Variants in SUPT3H observed in about 807,000 individuals in gnomAD.
SUPT3H encodes the protein SPT3 homolog, SAGA and STAGA complex component, also known as transcription initiation protein SPT3 homolog.
A neutral mutation model predicts 44.3 loss-of-function variants in SUPT3H; 44 were observed. The observed-to-expected ratio is 0.99, with a 90% CI of 0.78 to 1.28. The LOEUF is 1.28. SUPT3H is among the 50% of genes most tolerant of loss of function. The pLI is 0.00. For missense variants in SUPT3H, 380 were observed against 387.1 expected, an observed-to-expected ratio of 0.98 and a Z score of 0.15; for synonymous variants, 124 against 125.6, an observed-to-expected ratio of 0.99 and a Z score of 0.09.
At chr6:45,377,329 G>C (rs780733181) in intron 1 of SUPT3H, 1 of 152,100 alleles carries the variant, frequency 6.6e-6, no homozygotes, top group African/African-American at 2.4e-5. Flanking sequence ...GAACACAGCG[G>C]ATCTTTTCCT....
At chr6:45,355,271 A>G (rs1315684464) in intron 2 of SUPT3H, among the ~76,000 whole-genome samples, 1 of 151,692 alleles carries the variant, frequency 6.6e-6, no homozygotes, top group Non-Finnish European at 1.5e-5. Context: ...TCCAATAAGC[A>G]CTTTAATTTA....
intron 2 of SUPT3H, among the ~76,000 whole-genome samples, chr6:45,163,881 C>T (rs1809432281): frequency 6.6e-6 from 1 of 151,788 alleles, no homozygotes; most frequent in African/African-American, 2.4e-5. Context: ...ACATACCTAC[C>T]CCTAATTATT....
At chr6:44,903,029 C>T (rs1765361809) in intron 10 of SUPT3H, among the ~76,000 whole-genome samples, 1 of 152,020 alleles carries the variant, frequency 6.6e-6, no homozygotes, top group Non-Finnish European at 1.5e-5. Context: ...ACATTCAAAG[C>T]AGTGTGTAGA....
intron 2 of SUPT3H, among the ~76,000 whole-genome samples, chr6:45,210,043 A>G (rs1041425483): frequency 2.6e-5 from 4 of 152,214 alleles, no homozygotes; most frequent in African/African-American, 9.6e-5. Context: ...TCATATGATC[A>G]AGACAGCATT....
At chr6:45,328,284 A>G in intron 2 of SUPT3H, 1 of 1,365,174 alleles carries the variant, frequency 7.3e-7, no homozygotes, top group Non-Finnish European at 9.8e-7. Flanking sequence ...CTTGCAAAAA[A>G]AAGGAGTTTT....
intron 2 of SUPT3H, among the ~76,000 whole-genome samples, chr6:45,348,352 TCTC>T (rs1184815712): frequency 6.6e-6 from 1 of 151,684 alleles, no homozygotes; most frequent in African/African-American, 2.4e-5. Flanking sequence ...AGTTTTATCG[TCTC>T]CTCATTTTCT....
chr6:44,984,251 T>C (rs1779478305), intron 6 of SUPT3H, among the ~76,000 whole-genome samples: 3 of 152,096 alleles, frequency 2.0e-5, no homozygotes, highest in Admixed American at 6.6e-5. Context: ...GGTAATCCAG[T>C]GAGCTGGGCC....
intron 10 of SUPT3H, among the ~76,000 whole-genome samples, chr6:44,865,686 G>T (rs12209076): frequency 6.6e-6 from 1 of 151,928 alleles, no homozygotes; most frequent in Non-Finnish European, 1.5e-5. Flanking sequence ...TCTCCCACTG[G>T]GTCTCTCCTA....
intron 10 of SUPT3H, among the ~76,000 whole-genome samples, chr6:44,840,868 G>A (rs938487821): frequency 6.6e-6 from 1 of 152,144 alleles, no homozygotes; most frequent in Non-Finnish European, 1.5e-5. Flanking sequence ...AATTCTTTGT[G>A]TAAACATAAT....
At chr6:45,299,933 C>T (rs1315680611) in intron 2 of SUPT3H, among the ~76,000 whole-genome samples, 6 of 149,340 alleles carry the variant, frequency 4.0e-5, no homozygotes, top group Admixed American at 6.8e-5. Flanking sequence ...CTTTTATATG[C>T]GTATTATATA....
chr6:45,207,651 T>G (rs896122914), intron 2 of SUPT3H, among the ~76,000 whole-genome samples: 1 of 152,178 alleles, frequency 6.6e-6, no homozygotes, highest in African/African-American at 2.4e-5. Context: ...TCACAACATT[T>G]TAAACTCTTC....
At chr6:45,348,888 T>C (rs1390032245) in intron 2 of SUPT3H, among the ~76,000 whole-genome samples, 2 of 152,178 alleles carry the variant, frequency 1.3e-5, no homozygotes, top group African/African-American at 4.8e-5. Flanking sequence ...CCCATTACAC[T>C]ATCTCATAGT....
intron 2 of SUPT3H, among the ~76,000 whole-genome samples, chr6:45,221,351 C>T (rs186655207): frequency 1.5e-3 from 222 of 152,042 alleles, no homozygotes; most frequent in African/African-American, 5.1e-3. Context: ...GCACATGTAC[C>T]CTAGAACTTA....
intron 10 of SUPT3H, among the ~76,000 whole-genome samples, chr6:44,895,027 A>G (rs1429401773): frequency 6.6e-6 from 1 of 152,040 alleles, no homozygotes; most frequent in Non-Finnish European, 1.5e-5. Flanking sequence ...AATGACATCC[A>G]GAAATGGTAA....
chr6:45,122,043 A>G (rs1008767662), intron 2 of SUPT3H, among the ~76,000 whole-genome samples: 3 of 152,046 alleles, frequency 2.0e-5, no homozygotes, highest in Admixed American at 2.0e-4. Flanking sequence ...AAAAACAAAA[A>G]AAAAAGAAAA....
At chr6:45,128,557 T>TATATATATACATAC (rs1280920129) in intron 2 of SUPT3H, among the ~76,000 whole-genome samples, 1 of 56,734 alleles carries the variant, frequency 1.8e-5, no homozygotes, top group African/African-American at 8.0e-5. Context: ...TATATATATA[T>TATATATATACATAC]ACACACACAC....
At chr6:45,311,331 T>A (rs115410726) in intron 2 of SUPT3H, among the ~76,000 whole-genome samples, 3,062 of 152,258 alleles carry the variant, frequency 0.02, 113 homozygotes, top group African/African-American at 0.069. Context: ...CTAACAGACC[T>A]AAGAATAATC....
chr6:45,357,710 T>G (rs1268965196), intron 2 of SUPT3H, among the ~76,000 whole-genome samples: 1 of 152,142 alleles, frequency 6.6e-6, no homozygotes, highest in African/African-American at 2.4e-5. Flanking sequence ...AAATAATGAA[T>G]TGACAGAATA....
chr6:44,836,036 C>A (rs531803485), intron 10 of SUPT3H, among the ~76,000 whole-genome samples: 8 of 152,070 alleles, frequency 5.3e-5, no homozygotes, highest in Non-Finnish European at 8.8e-5. Context: ...GCTATGCAAT[C>A]GCTTTTTAAA....
Sources: gnomAD v4.1 joint callset for allele counts (sites outside exome capture counted in the v4.1 genomes callset) on GRCh38, gnomAD v4.1.1 for gene constraint, MANE v1.5 for transcripts, NCBI Gene and HGNC (gene_info 2026-07-23, HGNC 2026-07-21) for gene names.